The following ZSWIM5 variants were observed in gnomAD, a reference collection of about 807,000 sequenced individuals.
ZSWIM5 encodes zinc finger SWIM-type containing 5.
In ZSWIM5, 55 loss-of-function variants were observed where a neutral mutation model predicts 119.6. That is an observed-to-expected ratio of 0.46 (90% confidence interval 0.37 to 0.58). ZSWIM5 has a LOEUF of 0.58. ZSWIM5 is among the 20% of genes least tolerant of loss of function. ZSWIM5 has a pLI of 0.00. For synonymous variants in ZSWIM5, 537 were observed against 606.9 expected (o/e 0.88, Z 1.69); for missense variants, 1,193 against 1,512.8 (o/e 0.79, Z 3.51).
At chr1:45,190,524 G>A (rs1262306026) in intron 1 of ZSWIM5, among the ~76,000 whole-genome samples, 2 of 152,170 alleles carry the variant, frequency 1.3e-5, no homozygotes, top group African/African-American at 2.4e-5. Flanking sequence ...AACAATCCTG[G>A]AGGAGCGGTT....
At chr1:45,082,635 G>C (rs996336220) in intron 2 of ZSWIM5, among the ~76,000 whole-genome samples, 5 of 152,212 alleles carry the variant, frequency 3.3e-5, no homozygotes, top group African/African-American at 1.2e-4. Context: ...GATCAGGAAA[G>C]AGCCTGTAGA....
chr1:45,020,382 T>C (rs764662898), intron 12 of ZSWIM5, among the ~76,000 whole-genome samples: 4 of 152,150 alleles, frequency 2.6e-5, no homozygotes, highest in Admixed American at 1.3e-4. Context: ...CTTGTAGAAA[T>C]GGGGAGGTAG....
chr1:45,184,886 T>C (rs1172263343), intron 1 of ZSWIM5, among the ~76,000 whole-genome samples: 1 of 151,882 alleles, frequency 6.6e-6, no homozygotes, highest in Non-Finnish European at 1.5e-5. Flanking sequence ...CTTCACAGAA[T>C]TGGAAAAAAC....
chr1:45,176,147 A>AT (rs1645979941), intron 1 of ZSWIM5, among the ~76,000 whole-genome samples: 3 of 148,220 alleles, frequency 2.0e-5, no homozygotes, highest in Non-Finnish European at 4.5e-5. Flanking sequence ...TATATATATA[A>AT]TATATATTAT....
chr1:45,147,584 CAAAAAAA>C (rs11409330), intron 1 of ZSWIM5, among the ~76,000 whole-genome samples: 5 of 93,318 alleles, frequency 5.4e-5, no homozygotes, highest in African/African-American at 2.2e-4. Flanking sequence ...TTTACACATG[CAAAAAAA>C]AAAAAAAAAA....
chr1:45,090,908 A>G (rs1645360867), intron 1 of ZSWIM5, among the ~76,000 whole-genome samples: 1 of 152,144 alleles, frequency 6.6e-6, no homozygotes. Context: ...TACCCACCAG[A>G]CATTGCCAGC....
Position 45,036,298 on chromosome 1 carries a change from A to G in ZSWIM5, c.1896T>C (p.Asp632=). 6.2e-7 allele frequency: 1 copy of G among 1,609,900 alleles called. No individual in the cohort carries two copies. The highest frequency in any genetic ancestry group is 8.5e-7 in the Non-Finnish European group (1 of 1,178,026). ...LNDDGYLEMS[D]MNESRPPVYQ... The stretch of plus-strand genomic sequence containing the variant: ...ACACAGGGGGTCTGCTTTCATTCAT[A>G]TCTGAGGGCAACAGGGCACCAAATT... Residue 632 remains aspartate (D), a splice_region_variant and synonymous_variant, in exon 9 of 14, where the codon GAT becomes GAC. Transcript: ENST00000359600.
At position 45,017,092 on chromosome 1, in the gene ZSWIM5, TAGA is replaced by T. The variant is rs548501655; in HGVS notation, c.*1359_*1361del. 2.0e-5 allele frequency: 3 copies of T among 152,112 alleles called. No homozygotes were observed. Among genetic ancestry groups the T allele is most frequent in the Non-Finnish European group, 4.4e-5 (3 of 68,028 alleles). The allele number at this position is 152,112 out of a possible 1,614,324, so 9.4% of individuals were successfully genotyped here. ...CTGATGGCAGAGGGAGATTGGTGCT[TAGA>T]AGCTTGTTTGGTGAGAGAATGAATA... On this transcript the variant is annotated 3_prime_UTR_variant, in exon 14 of 14. Coordinates refer to ENST00000359600, the MANE Select transcript of ZSWIM5 (RefSeq NM_020883.2).
At position 45,134,768 on chromosome 1, in the gene ZSWIM5, T is replaced by C. The variant is rs114163780; in HGVS notation, c.596-46531A>G. On this transcript the variant is annotated intron_variant, in intron 1 of 13. Transcript: ENST00000359600. Reference sequence around the variant, plus strand: ...AATAGTCTCTAGCGGTCAGGTGCAGTGGCTCACACCTGTAATGGCCAGCCA... The same window carrying C: ...AATAGTCTCTAGCGGTCAGGTGCAGCGGCTCACACCTGTAATGGCCAGCCA... Among the ~76,000 whole-genome samples the C allele has an allele frequency of 1.0e-2, 1,517 of 152,340 alleles. 30 individuals carry two copies. The highest frequency in any genetic ancestry group is 0.035 in the African/African-American group (1,455 of 41,574).
chr1:45,082,068 C>CA (rs1259746436), intron 2 of ZSWIM5, among the ~76,000 whole-genome samples: 1 of 152,116 alleles, frequency 6.6e-6, no homozygotes, highest in African/African-American at 2.4e-5. Flanking sequence ...TGTGTCCACT[C>CA]AGAGTTAAAT....
Position 45,018,468 on chromosome 1 carries a change from C to T in ZSWIM5, c.3544G>A (p.Glu1182Lys). 6.2e-7 allele frequency: 1 copy of T among 1,613,824 alleles called. No homozygotes were observed. Among genetic ancestry groups the T allele is most frequent in the Non-Finnish European group, 8.5e-7 (1 of 1,179,798 alleles). Residue 1182 changes from glutamate (E) to lysine (K), a missense_variant, in exon 14 of 14, where the codon GAG becomes AAG. This residue lies in a region of ZSWIM5 where 961 missense variants were observed against 1,290.0 expected (regional missense o/e 0.74). Coordinates refer to ENST00000359600, the MANE Select transcript of ZSWIM5 (RefSeq NM_020883.2). The surrounding 1 kb of genome is among the most constrained non-coding windows in gnomAD (Gnocchi z 6.7). Reference protein sequence around the residue: ...GKKKLMLLVRERFG With the variant: ...GKKKLMLLVRKRFG ...TATCTGCTCTCTCAGCCAAAGCGCT[C>T]TCGCACCAGCAGCATCAACTTTTTC...
intron 11 of ZSWIM5, among the ~76,000 whole-genome samples, chr1:45,021,394 G>A (rs150638991): frequency 7.9e-4 from 120 of 152,274 alleles, no homozygotes; most frequent in African/African-American, 2.7e-3. Context: ...AAAAAGAACG[G>A]CAGTCCCACT....
At chr1:45,086,099 A>G (rs1645328627) in intron 2 of ZSWIM5, among the ~76,000 whole-genome samples, 1 of 152,334 alleles carries the variant, frequency 6.6e-6, no homozygotes, top group Non-Finnish European at 1.5e-5. Flanking sequence ...GAACATTACA[A>G]TCATGGTGGA....
chr1:45,037,902 C>T (rs925721350), intron 8 of ZSWIM5, among the ~76,000 whole-genome samples: 1 of 152,144 alleles, frequency 6.6e-6, no homozygotes, highest in Non-Finnish European at 1.5e-5. Flanking sequence ...TTTCTTTTCT[C>T]CCTCATCTAT....
At chr1:45,080,698 C>A (rs569219423) in intron 2 of ZSWIM5, among the ~76,000 whole-genome samples, 1 of 152,106 alleles carries the variant, frequency 6.6e-6, no homozygotes, top group Non-Finnish European at 1.5e-5. Context: ...ATTGGTGTAG[C>A]CTTCTATTCT....
At chr1:45,064,368 G>C (rs1645171202) in intron 2 of ZSWIM5, among the ~76,000 whole-genome samples, 1 of 151,976 alleles carries the variant, frequency 6.6e-6, no homozygotes, top group African/African-American at 2.4e-5. Flanking sequence ...TAAAAATAGG[G>C]ATTCATTTTT....
chr1:45,060,375 T>C lies in ZSWIM5; in HGVS notation c.953-128A>G, dbSNP rs901730781. The C allele has an allele frequency of 2.3e-5, 20 of 874,274 alleles. No individual in the cohort carries two copies. In the African/African-American group the frequency reaches 2.9e-4, roughly 13 times the overall value. 54.2% of individuals were successfully genotyped at this position (874,274 alleles called of 1,614,324 possible). On this transcript the variant is annotated intron_variant, in intron 2 of 13. Coordinates refer to ENST00000359600, the MANE Select transcript of ZSWIM5 (RefSeq NM_020883.2). ...CTGCTTTAATATGGGTTTTGTCAAC[T>C]GTATAGTCCTAAACAAAATAAATAA...
intron 1 of ZSWIM5, among the ~76,000 whole-genome samples, chr1:45,117,618 G>C (rs1645566298): frequency 6.6e-6 from 1 of 152,160 alleles, no homozygotes; most frequent in East Asian, 1.9e-4. Context: ...GCTGCAGTGA[G>C]CCATATTATG....
chr1:45,044,469 A>C (rs1645035130), intron 5 of ZSWIM5, among the ~76,000 whole-genome samples: 1 of 150,998 alleles, frequency 6.6e-6, no homozygotes, highest in Non-Finnish European at 1.5e-5. Context: ...CACGCCTGTA[A>C]TCCCAGAGCT....
Sources: gnomAD v4.1 joint callset for allele counts (sites outside exome capture counted in the v4.1 genomes callset) on GRCh38, gnomAD v4.1.1 for gene constraint, gnomAD v4.1.1 regional missense constraint, Gnocchi (gnomAD v3.1) non-coding constraint, MANE v1.5 for transcripts, NCBI Gene and HGNC (gene_info 2026-07-23, HGNC 2026-07-21) for gene names.